ROR1: variants seen among roughly 807,000 people sequenced by gnomAD.
The protein encoded by ROR1 is ROR family WNT receptor 1.
Under a neutral mutation model 78.8 loss-of-function variants are expected in ROR1, and 19 were observed. The observed-to-expected ratio is 0.24, with a 90% CI of 0.17 to 0.35. ROR1 has a LOEUF of 0.35. Among genes scored for constraint, ROR1 ranks in the 10% least tolerant of loss-of-function variants. ROR1 has a pLI of 1.00. For missense variants in ROR1, 917 were observed against 1,177.8 expected, an observed-to-expected ratio of 0.78 and a Z score of 3.24; for synonymous variants, 386 against 433.6, an observed-to-expected ratio of 0.89 and a Z score of 1.36.
intron 1 of ROR1, among the ~76,000 whole-genome samples, chr1:63,817,005 C>T (rs554716290): frequency 2.1e-4 from 32 of 152,318 alleles, no homozygotes; most frequent in Admixed American, 5.2e-4. Context: ...GACCTCACTG[C>T]GCTTAACAAA....
At chr1:63,952,591 G>T (rs978402838) in intron 1 of ROR1, among the ~76,000 whole-genome samples, 1 of 152,186 alleles carries the variant, frequency 6.6e-6, no homozygotes, top group African/African-American at 2.4e-5. Flanking sequence ...GACCAGTGCT[G>T]CCTGGAGCTG....
At chr1:64,078,934 G>A (rs990184847) in intron 4 of ROR1, among the ~76,000 whole-genome samples, 2 of 152,178 alleles carry the variant, frequency 1.3e-5, no homozygotes, top group African/African-American at 2.4e-5. Flanking sequence ...TCTTGATTTC[G>A]AGGAAGGAGT....
At chr1:63,887,827 T>A (rs1645367498) in intron 1 of ROR1, among the ~76,000 whole-genome samples, 1 of 152,194 alleles carries the variant, frequency 6.6e-6, no homozygotes, top group African/African-American at 2.4e-5. Flanking sequence ...TCCTACCACA[T>A]AGCAGAAAAT....
chr1:63,938,103 G>C (rs1284093318), intron 1 of ROR1, among the ~76,000 whole-genome samples: 2 of 151,974 alleles, frequency 1.3e-5, no homozygotes, highest in Admixed American at 1.3e-4. Context: ...ATATCCGTGG[G>C]TTCTGGATCC....
chr1:63,833,897 A>G (rs754942840), intron 1 of ROR1, among the ~76,000 whole-genome samples: 22 of 151,832 alleles, frequency 1.4e-4, no homozygotes, highest in Admixed American at 3.3e-4. Flanking sequence ...ACTATGCTTT[A>G]CAAATATTTA....
intron 1 of ROR1, among the ~76,000 whole-genome samples, chr1:63,856,062 G>T (rs899304737): frequency 1.3e-5 from 2 of 151,572 alleles, no homozygotes; most frequent in Non-Finnish European, 2.9e-5. Flanking sequence ...TCTAACATCT[G>T]TGTCAGTTTT....
At chr1:63,786,718 C>A (rs191280375) in intron 1 of ROR1, among the ~76,000 whole-genome samples, 1 of 151,920 alleles carries the variant, frequency 6.6e-6, no homozygotes, top group Non-Finnish European at 1.5e-5. Context: ...AGTTTCTTAG[C>A]CATCCCAGGA....
chr1:63,793,146 C>G (rs1644737152), intron 1 of ROR1, among the ~76,000 whole-genome samples: 2 of 152,188 alleles, frequency 1.3e-5, no homozygotes, highest in South Asian at 2.1e-4. Flanking sequence ...CTAAATCCTA[C>G]TGGATTAGGC....
chr1:64,164,039 A>AT (rs10707932), intron 8 of ROR1, among the ~76,000 whole-genome samples: 8 of 151,484 alleles, frequency 5.3e-5, no homozygotes, highest in East Asian at 3.9e-4. Flanking sequence ...CCTGAAATAT[A>AT]TTTTTTTTTC....
chr1:64,024,957 A>AT (rs892111486), intron 2 of ROR1, among the ~76,000 whole-genome samples: 4 of 151,926 alleles, frequency 2.6e-5, no homozygotes, highest in Non-Finnish European at 5.9e-5. Context: ...TGAAATCTGC[A>AT]TTTTTTCTAG....
At chr1:64,113,974 G>A (rs2100678177) in intron 4 of ROR1, among the ~76,000 whole-genome samples, 1 of 152,266 alleles carries the variant, frequency 6.6e-6, no homozygotes, top group East Asian at 1.9e-4. Context: ...GATATATGTG[G>A]ATTAAAAGGA....
chr1:63,898,411 A>G (rs1282747801), intron 1 of ROR1, among the ~76,000 whole-genome samples: 1 of 151,846 alleles, frequency 6.6e-6, no homozygotes, highest in Non-Finnish European at 1.5e-5. Flanking sequence ...AAAAAAGGAA[A>G]GAATAAAAGA....
At chr1:63,970,065 T>C (rs1646107062) in intron 1 of ROR1, among the ~76,000 whole-genome samples, 1 of 152,220 alleles carries the variant, frequency 6.6e-6, no homozygotes, top group African/African-American at 2.4e-5. Context: ...TAGAATGTTC[T>C]CTCCCTTGCG....
Position 64,140,105 on chromosome 1 carries a change from C to A in ROR1, c.611-4C>A. The A allele has an allele frequency of 6.2e-7, 1 of 1,609,420 alleles. No homozygotes were observed. Among genetic ancestry groups the A allele is most frequent in the South Asian group, 1.1e-5 (1 of 90,988 alleles). ...GGGAGTTAATAATTGTGTTTGTTTT[C>A]CAGCTGCCTTCACTATGATTGGCAC... On this transcript the variant is annotated splice_polypyrimidine_tract_variant and splice_region_variant and intron_variant, in intron 5 of 8. Transcript: ENST00000371079.
intron 1 of ROR1, among the ~76,000 whole-genome samples, chr1:63,833,631 C>T (rs543864919): frequency 5.4e-4 from 82 of 151,998 alleles, no homozygotes; most frequent in Non-Finnish European, 1.0e-3. Flanking sequence ...GAGTCAAGCA[C>T]GGGTTTGGAG....
At chr1:64,081,961 G>C (rs1647106174) in intron 4 of ROR1, among the ~76,000 whole-genome samples, 1 of 152,202 alleles carries the variant, frequency 6.6e-6, no homozygotes, top group South Asian at 2.1e-4. Context: ...TAAAAATAAA[G>C]CTGAGGTATA....
At chr1:64,041,510 A>G (rs1202340982) in intron 2 of ROR1, among the ~76,000 whole-genome samples, 1 of 152,232 alleles carries the variant, frequency 6.6e-6, no homozygotes, top group Admixed American at 6.5e-5. Flanking sequence ...GTGGCACCAC[A>G]TGCTAACTGG....
At chr1:64,142,987 C>A in intron 7 of ROR1, 1 of 1,097,290 alleles carries the variant, frequency 9.1e-7, no homozygotes, top group Non-Finnish European at 1.1e-6. Context: ...CCAAGTGGAC[C>A]TTTTCAGCAA....
At chr1:64,018,299 C>A (rs1005391602) in intron 2 of ROR1, among the ~76,000 whole-genome samples, 1 of 152,214 alleles carries the variant, frequency 6.6e-6, no homozygotes, top group African/African-American at 2.4e-5. Context: ...TTTCCTGCTT[C>A]TCCTTCTCCA....
Sources: gnomAD v4.1 joint callset for allele counts (sites outside exome capture counted in the v4.1 genomes callset) on GRCh38, gnomAD v4.1.1 for gene constraint, MANE v1.5 for transcripts, NCBI Gene and HGNC (gene_info 2026-07-23, HGNC 2026-07-21) for gene names.